Variants in SLC32A1 observed in about 807,000 individuals in gnomAD.
SLC32A1 encodes solute carrier family 32 member 1.
A neutral mutation model predicts 35.5 loss-of-function variants in SLC32A1; 8 were observed. The ratio of observed to expected loss-of-function variants is 0.23; its 90% CI spans 0.13 to 0.41. The LOEUF (loss-of-function observed/expected upper bound fraction) is 0.41, where lower values mean the gene tolerates loss of function less well. Among genes scored for constraint, SLC32A1 ranks in the 10% least tolerant of loss-of-function variants. The pLI is 1.00. For missense variants in SLC32A1, 493 were observed against 722.3 expected (o/e 0.68, Z 3.64); for synonymous variants, 317 against 326.3 (o/e 0.97, Z 0.31).
In SLC32A1 at chr20:38,728,362, C is replaced by T; in HGVS notation, c.1301C>T (p.Thr434Met). Residue 434 changes from threonine (T) to methionine (M), a missense_variant, in exon 2 of 2, where the codon ACG becomes ATG. Thr to Met is a moderately conservative substitution (Grantham distance 81). Transcript: ENST00000217420. ...GGGCGCCTGAAGTCCTGGGGGCTGA[C>T]GCTGCGCTGCGCGCTCGTCGTCTTC... is the stretch of plus-strand genomic sequence containing the variant. ...GDGRLKSWGLTLRCALVVFTL... is the reference protein window; with the variant it reads ...GDGRLKSWGLMLRCALVVFTL... The T allele has an allele frequency of 6.2e-7, 1 of 1,611,584 alleles. No homozygotes were observed. The highest frequency in any genetic ancestry group is 8.5e-7 in the Non-Finnish European group (1 of 1,179,186).
Position 38,724,488 on chromosome 20 carries a change from T to C in SLC32A1, c.-237T>C. 2.1e-6 allele frequency: 1 copy of C among 472,080 alleles called. No individual in the cohort carries two copies. Among genetic ancestry groups the C allele is most frequent in the Non-Finnish European group, 3.6e-6 (1 of 280,552 alleles). The allele number at this position is 472,080 out of a possible 1,614,324, so 29.2% of individuals were successfully genotyped here. A position where few individuals can be genotyped will look rare whatever the true frequency, so the allele number is the denominator to read the frequency against. On this transcript the variant is annotated 5_prime_UTR_variant, in exon 1 of 2. Coordinates refer to ENST00000217420, the MANE Select transcript of SLC32A1 (RefSeq NM_080552.3). Reference sequence around the variant, plus strand: ...CTCGCGCCCCGCGGCAGCTCCGCAGTGCACTAGCCACCACCGCCGCCGCCG... The same window carrying C: ...CTCGCGCCCCGCGGCAGCTCCGCAGCGCACTAGCCACCACCGCCGCCGCCG...
In SLC32A1 at chr20:38,728,674, T is replaced by G. The variant is rs745616538; in HGVS notation, c.*35T>G. 1.2e-5 allele frequency: 19 copies of G among 1,532,336 alleles called. No individual in the cohort carries two copies. The African/African-American group carries it at 2.3e-4, about 19-fold the overall frequency. The allele number at this position is 1,532,336 out of a possible 1,614,324, so 94.9% of individuals were successfully genotyped here. ...GCGAGCCCCCGCCGCGCTTCTGCGC[T>G]CTCTCCCTTCTCCCCTCACCCCGCC... On this transcript the variant is annotated 3_prime_UTR_variant, in exon 2 of 2. Coordinates refer to ENST00000217420, the MANE Select transcript of SLC32A1 (RefSeq NM_080552.3).
rs1368925816 is a variant in SLC32A1, at chr20:38,728,273, G to A, written c.1212G>A (p.Val404=). 6.2e-7 allele frequency: 1 copy of A among 1,613,814 alleles called. No homozygotes were observed. Among genetic ancestry groups the A allele is most frequent in the Admixed American group, 1.7e-5 (1 of 60,032 alleles). The change falls in exon 2 of 2, where the codon GTG becomes GTA. Residue 404 remains valine (V), a synonymous_variant. Transcript: ENST00000217420. ...YPLPFFAAVE[V]LEKSLFQEGS... is the part of the protein sequence containing the mutation. Reference sequence around the variant, plus strand: ...TGCCATTCTTTGCCGCTGTCGAGGTGCTGGAGAAGTCGCTCTTCCAGGAAG... The same window carrying A: ...TGCCATTCTTTGCCGCTGTCGAGGTACTGGAGAAGTCGCTCTTCCAGGAAG...
In SLC32A1 at chr20:38,729,345, A is replaced by G. The variant is rs1017111009; in HGVS notation, c.*706A>G. 6.6e-6 allele frequency: 1 copy of G among 152,584 alleles called. No individual in the cohort carries two copies. Among genetic ancestry groups the G allele is most frequent in the Non-Finnish European group, 1.5e-5 (1 of 68,042 alleles). The allele number at this position is 152,584 out of a possible 1,614,324, so 9.5% of individuals were successfully genotyped here. A position where few individuals can be genotyped will look rare whatever the true frequency, so the allele number is the denominator to read the frequency against. ...AATTTAGAGTGCGGTACATAATTAT[A>G]TCCGCAAATAAAGAAGAGACAAAGG... On this transcript the variant is annotated 3_prime_UTR_variant, in exon 2 of 2. Coordinates refer to ENST00000217420, the MANE Select transcript of SLC32A1 (RefSeq NM_080552.3).
intron 1 of SLC32A1, 78 bp downstream of exon 1, chr20:38,725,192 C>T (rs920580496): frequency 1.5e-5 from 22 of 1,472,452 alleles, no homozygotes; most frequent in Non-Finnish European, 1.9e-5. Context: ...CGACAGTCGC[C>T]CGGTGATCTC....
chr20:38,727,236 C>T (rs2084279693), intron 1 of SLC32A1, among the ~76,000 whole-genome samples: 1 of 152,168 alleles, frequency 6.6e-6, no homozygotes, highest in Non-Finnish European at 1.5e-5. Context: ...TACATCCCTC[C>T]CTCTCCATCT....
Position 38,727,526 on chromosome 20 carries a change from C to A in SLC32A1, c.465C>A (p.Ala155=). ...GYLGLFLIIF[A]AVVCCYTGKI... is the part of the protein sequence containing the mutation. ...TGGGGTTGTTTCTCATCATCTTCGCCGCCGTTGTGTGCTGCTACACCGGCA... is the reference window on the plus strand; with the variant it reads ...TGGGGTTGTTTCTCATCATCTTCGCAGCCGTTGTGTGCTGCTACACCGGCA... The change falls in exon 2 of 2, where the codon GCC becomes GCA. Residue 155 remains alanine (A), a synonymous_variant. Transcript: ENST00000217420. 3 of 1,609,262 alleles carry A rather than the reference C, an allele frequency of 1.9e-6. No individual in the cohort carries two copies. Among genetic ancestry groups the A allele is most frequent in the Non-Finnish European group, 2.5e-6 (3 of 1,180,010 alleles).
chr20:38,727,047 G>T (rs2084278676), intron 1 of SLC32A1, among the ~76,000 whole-genome samples: 1 of 151,796 alleles, frequency 6.6e-6, no homozygotes, highest in East Asian at 1.9e-4. Context: ...TTCCGACTAC[G>T]CTCCCTTCTG....
At chr20:38,725,606 T>A (rs550142802) in intron 1 of SLC32A1, among the ~76,000 whole-genome samples, 13 of 151,918 alleles carry the variant, frequency 8.6e-5, no homozygotes, top group African/African-American at 2.9e-4. Context: ...CAGCCCCCCT[T>A]CCCACGAACA....
Position 38,726,503 on chromosome 20 carries a change from C to A in SLC32A1, c.391-949C>A, listed in dbSNP as rs1351943353. ...AGGCCAGGGCAGGAGGCTGGAGGCT[C>A]GTAGGCCTCCGGGACCCTGGATTTC... On this transcript the variant is annotated intron_variant, in intron 1 of 1. Coordinates refer to ENST00000217420, the MANE Select transcript of SLC32A1 (RefSeq NM_080552.3). This position sits in a 1 kb window ranked among gnomAD's most constrained non-coding sequence, Gnocchi z 4.7. 6.6e-6 allele frequency among the ~76,000 whole-genome samples: 1 copy of A among 152,162 alleles called. No individual in the cohort carries two copies. Among genetic ancestry groups the A allele is most frequent in the Non-Finnish European group, 1.5e-5 (1 of 68,018 alleles).
intron 1 of SLC32A1, among the ~76,000 whole-genome samples, chr20:38,725,995 C>T (rs1049600294): frequency 6.6e-6 from 1 of 152,202 alleles, no homozygotes; most frequent in African/African-American, 2.4e-5. Context: ...CCTGGCGAAG[C>T]CCTCTCCAGA....
At position 38,728,606 on chromosome 20, in the gene SLC32A1, C is replaced by T; in HGVS notation, c.1545C>T (p.Leu515=). ...VSGFVHSLEG[L]IEAYRTNAED is the part of the protein sequence containing the mutation. ...GCTTCGTGCACTCCCTCGAGGGCCT[C>T]ATCGAAGCCTACCGAACCAACGCGG... The change falls in exon 2 of 2, where the codon CTC becomes CTT. Residue 515 remains leucine (L), a synonymous_variant. Transcript: ENST00000217420. 1 of 1,610,900 alleles carries T rather than the reference C, an allele frequency of 6.2e-7. No homozygotes were observed. The highest frequency in any genetic ancestry group is 1.1e-5 in the South Asian group (1 of 90,632).
In SLC32A1 at chr20:38,728,037, C is replaced by T; in HGVS notation, c.976C>T (p.Leu326=). ...SYTSQIFLPS[L]EGNMQQPSEF... ...CACGTCTCAGATCTTCCTGCCTTCGCTGGAGGGCAATATGCAGCAGCCCAG... is the reference window on the plus strand; with the variant it reads ...CACGTCTCAGATCTTCCTGCCTTCGTTGGAGGGCAATATGCAGCAGCCCAG... Residue 326 remains leucine (L), a synonymous_variant, in exon 2 of 2, where the codon CTG becomes TTG. Transcript: ENST00000217420. 2 of 1,614,046 alleles carry T rather than the reference C, an allele frequency of 1.2e-6. No homozygotes were observed. Among genetic ancestry groups the T allele is most frequent in the South Asian group, 2.2e-5 (2 of 91,090 alleles).
intron 1 of SLC32A1, 50 bp from the exon 2 acceptor site, chr20:38,727,402 G>A (rs539752137): frequency 1.9e-6 from 3 of 1,563,224 alleles, no homozygotes; most frequent in East Asian, 2.2e-5. Context: ...CCCCTCATCC[G>A]TTGCCAAGTT....
rs539580222 is a variant in SLC32A1 at position 38,728,870 on chromosome 20, G to C, written c.*231G>C. The C allele has an allele frequency of 5.7e-6, 3 of 523,418 alleles. No individual in the cohort carries two copies. The African/African-American group carries it at 5.8e-5, about 10-fold the overall frequency. 32.4% of individuals were successfully genotyped at this position (523,418 alleles called of 1,614,324 possible). On this transcript the variant is annotated 3_prime_UTR_variant, in exon 2 of 2. Coordinates refer to ENST00000217420, the MANE Select transcript of SLC32A1 (RefSeq NM_080552.3). ...TTCTTTTCCACAACACCCTGGTTTT[G>C]GGGGGAGGCGGGGTGCATTTGCGGG...
chr20:38,727,815 C>T lies in SLC32A1; in HGVS notation c.754C>T (p.Leu252=). ...SWSIIATAVL[L]PCAFLKNLKA... is the part of the protein sequence containing the mutation. ...GTCCATTATCGCCACGGCCGTGCTG[C>T]TGCCTTGCGCCTTCCTTAAGAACCT... The change falls in exon 2 of 2, where the codon CTG becomes TTG. Residue 252 remains leucine, a synonymous_variant. Transcript: ENST00000217420. The T allele has an allele frequency of 6.2e-7, 1 of 1,614,206 alleles. No individual in the cohort carries two copies. Among genetic ancestry groups the T allele is most frequent in the Non-Finnish European group, 8.5e-7 (1 of 1,180,038 alleles).
Position 38,724,631 on chromosome 20 carries a change from A to T in SLC32A1, c.-94A>T. The stretch of plus-strand genomic sequence containing the variant: ...GGCGCCGCGCGGAGAGCAAGCGGAG[A>T]TAGCGACTTTGCGCCCCCCAGCCCT... On this transcript the variant is annotated 5_prime_UTR_variant, in exon 1 of 2. Transcript: ENST00000217420. The T allele has an allele frequency of 6.8e-7, 1 of 1,461,384 alleles. No individual in the cohort carries two copies. Among genetic ancestry groups the T allele is most frequent in the Non-Finnish European group, 9.1e-7 (1 of 1,099,578 alleles). The allele number at this position is 1,461,384 out of a possible 1,614,324, so 90.5% of individuals were successfully genotyped here. A position where few individuals can be genotyped will look rare whatever the true frequency, so the allele number is the denominator to read the frequency against.
Position 38,727,492 on chromosome 20 carries a change from G to T in SLC32A1, c.431G>T (p.Gly144Val). The T allele has an allele frequency of 6.2e-7, 1 of 1,609,042 alleles. No homozygotes were observed. The change falls in exon 2 of 2, where the codon GGC (glycine) becomes GTC (valine). Residue 144 changes from glycine (G) to valine (V), a missense_variant. By Grantham distance (109) the Gly-to-Val change is moderately radical (BLOSUM62 -3). Coordinates refer to ENST00000217420, the MANE Select transcript of SLC32A1 (RefSeq NM_080552.3). ...VLGLPYAILH[G>V]GYLGLFLIIF... ...GGCCTACCCTACGCCATCCTGCACGGCGGCTACCTGGGGTTGTTTCTCATC... is the reference window on the plus strand; with the variant it reads ...GGCCTACCCTACGCCATCCTGCACGTCGGCTACCTGGGGTTGTTTCTCATC...
chr20:38,727,250 G>C (rs1022694246), intron 1 of SLC32A1, among the ~76,000 whole-genome samples: 11 of 151,844 alleles, frequency 7.2e-5, no homozygotes, highest in African/African-American at 2.7e-4. Context: ...TCCATCTCTG[G>C]CTCGACACCC....
Sources: allele counts gnomAD v4.1 joint callset (sites outside exome capture counted in the v4.1 genomes callset), GRCh38; gene constraint gnomAD v4.1.1; non-coding constraint Gnocchi (gnomAD v3.1); transcripts MANE v1.5; gene names NCBI Gene and HGNC (gene_info 2026-07-23, HGNC 2026-07-21).